BRSK1: variants seen among roughly 807,000 people sequenced by gnomAD.
The protein encoded by BRSK1 is BR serine/threonine kinase 1, also known as serine/threonine-protein kinase BRSK1.
A neutral mutation model predicts 86.2 loss-of-function variants in BRSK1; 17 were observed. That is an observed-to-expected ratio of 0.20 (90% CI 0.14 to 0.30). The LOEUF is 0.30. Among genes scored for constraint, BRSK1 ranks in the 10% least tolerant of loss-of-function variants. BRSK1 has a pLI of 1.00. For missense variants in BRSK1, 719 were observed against 1,071.9 expected, an observed-to-expected ratio of 0.67 and a Z score of 4.60; for synonymous variants, 464 against 440.1, an observed-to-expected ratio of 1.05 and a Z score of -0.68.
Position 55,304,719 on chromosome 19 carries a change from C to G in BRSK1, c.1516C>G (p.Pro506Ala), listed in dbSNP as rs1192862983. 3 of 1,508,240 alleles carry G rather than the reference C, an allele frequency of 2.0e-6. No homozygotes were observed. Among genetic ancestry groups the G allele is most frequent in the Non-Finnish European group, 2.6e-6 (3 of 1,134,466 alleles). The allele number at this position is 1,508,240 out of a possible 1,614,324, so 93.4% of individuals were successfully genotyped here. Residue 506 changes from proline (P) to alanine (A), a missense_variant, in exon 14 of 19, where the codon CCA becomes GCA. By Grantham distance (27) the Pro-to-Ala change is conservative (BLOSUM62 -1). Coordinates refer to ENST00000309383, the MANE Select transcript of BRSK1 (RefSeq NM_032430.2). This position sits in a 1 kb window ranked among gnomAD's most constrained non-coding sequence, Gnocchi z 5.2. ...CCGCTCCACACCCCTGCCCGGCCCC[C>G]CAGGCTCCCCGCGCTCCTCTGGCGG... ...SARSTPLPGP[P>A]GSPRSSGGTP...
At chr19:55,307,791 TTAA>T (rs2088681939) in intron 17 of BRSK1, among the ~76,000 whole-genome samples, 1 of 82,562 alleles carries the variant, frequency 1.2e-5, no homozygotes, top group Non-Finnish European at 2.3e-5. Context: ...CACACACAAT[TTAA>T]AAAAAAAAAA....
chr19:55,305,429 C>G, intron 15 of BRSK1, 34 bp from the exon 16 acceptor site: 1 of 1,614,110 alleles, frequency 6.2e-7, no homozygotes, highest in Non-Finnish European at 8.5e-7. Flanking sequence ...TCGGCGCCTT[C>G]CTAACCCTCC....
At chr19:55,285,130 G>A (rs1018385332) in intron 1 of BRSK1, among the ~76,000 whole-genome samples, 17 of 150,922 alleles carry the variant, frequency 1.1e-4, no homozygotes, top group Non-Finnish European at 2.2e-4. Context: ...GGACTTTCAG[G>A]TCTGAGGGAG....
At chr19:55,291,168 A>C (rs951136446) in intron 4 of BRSK1, among the ~76,000 whole-genome samples, 1 of 151,696 alleles carries the variant, frequency 6.6e-6, no homozygotes, top group Non-Finnish European at 1.5e-5. Context: ...GGGTCTTGCT[A>C]TGTTGCCCAG....
chr19:55,286,475 A>C (rs1052644197), intron 1 of BRSK1, among the ~76,000 whole-genome samples: 16 of 135,450 alleles, frequency 1.2e-4, no homozygotes, highest in African/African-American at 4.6e-4. Context: ...GAGAAGGTGG[A>C]GGGTGATCTG....
chr19:55,301,996 G>A, intron 8 of BRSK1, 141 bp from the exon 9 acceptor site: 2 of 1,027,550 alleles, frequency 1.9e-6, no homozygotes, highest in South Asian at 1.3e-5. Context: ...CCACTAGAGG[G>A]CGATGTAATA....
Position 55,304,018 on chromosome 19 carries a change from A to AT in BRSK1, c.1287-20dup, listed in dbSNP as rs5828618. On this transcript the variant is annotated intron_variant, in intron 12 of 18. Coordinates refer to ENST00000309383, the MANE Select transcript of BRSK1 (RefSeq NM_032430.2). This position sits in a 1 kb window ranked among gnomAD's most constrained non-coding sequence, Gnocchi z 5.2. Reference sequence around the variant, plus strand: ...GTGGTTTTTGAAACCCTCCCATCTGATTTTTTTTTTTTAAATCTATCCTGG... The same window carrying AT: ...GTGGTTTTTGAAACCCTCCCATCTGATTTTTTTTTTTTTAAATCTATCCTGG... The AT allele has an allele frequency of 0.1, 115,237 of 1,131,780 alleles. 866 individuals carry two copies. The highest frequency in any genetic ancestry group is 0.18 in the East Asian group (6,116 of 34,290). 70.1% of individuals were successfully genotyped at this position (1,131,780 alleles called of 1,614,324 possible).
chr19:55,309,556 C>T (rs1280566586), intron 18 of BRSK1, among the ~76,000 whole-genome samples: 2 of 152,208 alleles, frequency 1.3e-5, no homozygotes, highest in African/African-American at 4.8e-5. Flanking sequence ...ACAGACAGCA[C>T]GTTGGTGCTG....
At chr19:55,297,620 A>G (rs544590340) in intron 7 of BRSK1, among the ~76,000 whole-genome samples, 4 of 150,794 alleles carry the variant, frequency 2.7e-5, no homozygotes, top group Admixed American at 1.3e-4. Context: ...GAGACGAGCT[A>G]AGAATGTTCA....
chr19:55,286,054 G>C (rs536483199), intron 1 of BRSK1, among the ~76,000 whole-genome samples: 3 of 108,824 alleles, frequency 2.8e-5, no homozygotes, highest in Admixed American at 9.3e-5. Flanking sequence ...GGTCTGGAGT[G>C]CTGGGTCTGA....
rs113940404 is a variant in BRSK1, at chr19:55,306,460, T to C, written c.2089+10T>C. ...TTCACTCTCATCTCGGGTGAGTCTC[T>C]TGGCTAGGCTGCCTGCAGCCCAGTG... On this transcript the variant is annotated intron_variant, in intron 17 of 18. Coordinates refer to ENST00000309383, the MANE Select transcript of BRSK1 (RefSeq NM_032430.2). The surrounding 1 kb of genome is among the most constrained non-coding windows in gnomAD (Gnocchi z 4.7). 9.3e-6 allele frequency: 15 copies of C among 1,610,998 alleles called. No homozygotes were observed. In the African/African-American group the frequency reaches 1.1e-4, roughly 11 times the overall value.
chr19:55,303,270 C>T lies in BRSK1; in HGVS notation c.1029-41C>T. 1 of 1,498,620 alleles carries T rather than the reference C, an allele frequency of 6.7e-7. No individual in the cohort carries two copies. Among genetic ancestry groups the T allele is most frequent in the Non-Finnish European group, 9.3e-7 (1 of 1,075,636 alleles). The allele number at this position is 1,498,620 out of a possible 1,614,324, so 92.8% of individuals were successfully genotyped here. A position where few individuals can be genotyped will look rare whatever the true frequency, so the allele number is the denominator to read the frequency against. On this transcript the variant is annotated intron_variant, in intron 10 of 18. Transcript: ENST00000309383. This position sits in a 1 kb window ranked among gnomAD's most constrained non-coding sequence, Gnocchi z 5.1. ...CTGAGCATTGATGTTGGACCTCAGC[C>T]CTCTGCTACCTCTTTCCACCTTTCC...
rs777663060 is a variant in BRSK1 at position 55,304,578 on chromosome 19, C to G, written c.1375C>G (p.Pro459Ala). The change falls in exon 14 of 19, where the codon CCG becomes GCG. Residue 459 changes from proline to alanine, a missense_variant. Around this residue, in one of 6 missense-constraint regions of BRSK1, gnomAD observed 143 missense variants for 120.1 expected, o/e 1.19. Coordinates refer to ENST00000309383, the MANE Select transcript of BRSK1 (RefSeq NM_032430.2). This position sits in a 1 kb window ranked among gnomAD's most constrained non-coding sequence, Gnocchi z 5.2. ...RSPVFSFSPE[P>A]GAGDEARGGG... ...TCCGGTCTTTTCCTTTTCACCGGAG[C>G]CGGGGGCTGGAGATGAGGCTCGAGG... The G allele has an allele frequency of 7.6e-6, 12 of 1,584,924 alleles. No individual in the cohort carries two copies. The highest frequency in any genetic ancestry group is 9.4e-6 in the Non-Finnish European group (11 of 1,167,718).
chr19:55,285,297 C>T (rs941025988), intron 1 of BRSK1, among the ~76,000 whole-genome samples: 2 of 151,608 alleles, frequency 1.3e-5, no homozygotes, highest in African/African-American at 2.4e-5. Flanking sequence ...GGAGGGCGGT[C>T]GGAACCTTGA....
At position 55,287,450 on chromosome 19, in the gene BRSK1, A is replaced by G. The variant is rs2088335616; in HGVS notation, c.317+151A>G. ...AGGCCCAGTTCCTTGCCTGTTGCAC[A>G]GGGAAGCCCCTGACACACAGGGAAC... is the stretch of plus-strand genomic sequence containing the variant. On this transcript the variant is annotated intron_variant, in intron 3 of 18. Transcript: ENST00000309383. The surrounding 1 kb of genome is among the most constrained non-coding windows in gnomAD (Gnocchi z 5.3). 4 of 721,206 alleles carry G rather than the reference A, an allele frequency of 5.5e-6. No homozygotes were observed. Among genetic ancestry groups the G allele is most frequent in the South Asian group, 5.2e-5 (3 of 58,172 alleles). 44.7% of individuals were successfully genotyped at this position (721,206 alleles called of 1,614,324 possible).
chr19:55,284,527 C>CCCCA lies in BRSK1; in HGVS notation c.85_86insCCCA (p.Gln29ProfsTer22). The stretch of plus-strand genomic sequence containing the variant: ...CCACCCCCACCCACCCCAGCACGCC[C>CCCCA]AATATGTGGGCCCCTATCGGCTGGA... On this transcript the variant is annotated frameshift_variant, in exon 1 of 19. Coordinates refer to ENST00000309383, the MANE Select transcript of BRSK1 (RefSeq NM_032430.2). LOFTEE classifies it high-confidence loss of function. The CCCCA allele has an allele frequency of 7.5e-7, 1 of 1,338,028 alleles. No individual in the cohort carries two copies. Among genetic ancestry groups the CCCCA allele is most frequent in the Non-Finnish European group, 9.7e-7 (1 of 1,034,458 alleles). 82.9% of individuals were successfully genotyped at this position (1,338,028 alleles called of 1,614,324 possible).
chr19:55,300,392 C>G (rs2088553118), intron 7 of BRSK1, among the ~76,000 whole-genome samples: 1 of 152,116 alleles, frequency 6.6e-6, no homozygotes, highest in South Asian at 2.1e-4. Flanking sequence ...GGTATAAGCC[C>G]CAGAGCAAGG....
intron 1 of BRSK1, among the ~76,000 whole-genome samples, chr19:55,285,005 C>A (rs970708983): frequency 8.1e-6 from 1 of 123,796 alleles, no homozygotes; most frequent in Non-Finnish European, 1.7e-5. Context: ...GGCTTGGGGG[C>A]CTGGACTCCA....
At chr19:55,289,447 C>T (rs1315474183) in intron 3 of BRSK1, 33 bp from the exon 4 acceptor site, 2 of 1,593,556 alleles carry the variant, frequency 1.3e-6, no homozygotes, top group Non-Finnish European at 1.7e-6. Flanking sequence ...CCACATGCCC[C>T]TTCCAGCCCT....
Sources: gnomAD v4.1 joint callset for allele counts (sites outside exome capture counted in the v4.1 genomes callset) on GRCh38, gnomAD v4.1.1 for gene constraint, gnomAD v4.1.1 regional missense constraint, Gnocchi (gnomAD v3.1) non-coding constraint, MANE v1.5 for transcripts, NCBI Gene and HGNC (gene_info 2026-07-23, HGNC 2026-07-21) for gene names.